DIP2C: variants seen among roughly 807,000 people sequenced by gnomAD.
DIP2C encodes the protein disco-interacting protein 2 homolog C.
A neutral mutation model predicts 192.4 loss-of-function variants in DIP2C; 33 were observed. That is an observed-to-expected ratio of 0.17 (90% CI 0.13 to 0.23). The LOEUF (loss-of-function observed/expected upper bound fraction) is 0.23. Ranked by LOEUF, DIP2C falls within the 10% of genes least tolerant of loss-of-function variation. The pLI is 1.00. For missense variants in DIP2C, 1,537 were observed against 2,110.1 expected (o/e 0.73, Z 5.32); for synonymous variants, 979 against 864.1 (o/e 1.13, Z -2.33).
intron 1 of DIP2C, among the ~76,000 whole-genome samples, chr10:548,309 C>T (rs181247577): frequency 9.3e-5 from 14 of 150,056 alleles, no homozygotes; most frequent in East Asian, 2.0e-4. Flanking sequence ...CAGAGACCTA[C>T]GGCTGGAAGG....
intron 26 of DIP2C, among the ~76,000 whole-genome samples, chr10:347,493 C>A (rs1958548691): frequency 8.4e-6 from 1 of 119,190 alleles, no homozygotes; most frequent in East Asian, 2.7e-4. Context: ...CTCACCCGGA[C>A]ACATTGCGCA....
chr10:669,946 G>C (rs191572872), intron 1 of DIP2C, among the ~76,000 whole-genome samples: 1 of 152,230 alleles, frequency 6.6e-6, no homozygotes, highest in African/African-American at 2.4e-5. Flanking sequence ...TGTTTTTAGG[G>C]ATTCCTGATA....
intron 1 of DIP2C, among the ~76,000 whole-genome samples, chr10:574,785 G>A (rs1056140253): frequency 3.9e-5 from 6 of 152,244 alleles, no homozygotes; most frequent in Non-Finnish European, 5.9e-5. Flanking sequence ...AATGTGCTAT[G>A]ATACTAGAGG....
intron 36 of DIP2C, among the ~76,000 whole-genome samples, chr10:279,043 T>C (rs1411376293): frequency 6.6e-6 from 1 of 152,194 alleles, no homozygotes; most frequent in Non-Finnish European, 1.5e-5. Flanking sequence ...AAAAAACGCA[T>C]ATTTTATTCA....
intron 30 of DIP2C, among the ~76,000 whole-genome samples, chr10:327,485 G>C (rs1365670619): frequency 2.6e-5 from 4 of 152,214 alleles, no homozygotes; most frequent in Admixed American, 1.3e-4. Flanking sequence ...ACGATGAAAG[G>C]CCGTTCGGGA....
At chr10:475,519 G>A (rs1031569988) in intron 2 of DIP2C, among the ~76,000 whole-genome samples, 13 of 152,248 alleles carry the variant, frequency 8.5e-5, no homozygotes, top group East Asian at 1.9e-4. Context: ...GGACGATGGT[G>A]CACGGAGTTC....
chr10:371,446 A>G (rs1960943297), intron 17 of DIP2C, among the ~76,000 whole-genome samples: 1 of 152,248 alleles, frequency 6.6e-6, no homozygotes, highest in African/African-American at 2.4e-5. Flanking sequence ...GACCAGGTTA[A>G]GATGAGGTCA....
At chr10:511,049 G>A (rs1315482787) in intron 1 of DIP2C, among the ~76,000 whole-genome samples, 4 of 152,222 alleles carry the variant, frequency 2.6e-5, no homozygotes, top group Admixed American at 6.5e-5. Flanking sequence ...TGTTCAAGAG[G>A]TTTAAGACAC....
chr10:465,861 A>G (rs1252743901), intron 3 of DIP2C, among the ~76,000 whole-genome samples: 2 of 151,342 alleles, frequency 1.3e-5, no homozygotes, highest in African/African-American at 2.4e-5. Context: ...AAGGAGAACT[A>G]CAAACCACTG....
chr10:672,972 T>C (rs11253316), intron 1 of DIP2C, among the ~76,000 whole-genome samples: 6,969 of 152,308 alleles, frequency 0.046, 192 homozygotes, highest in East Asian at 0.14. Flanking sequence ...ACCCCCTGGA[T>C]CACAGATTAG....
intron 1 of DIP2C, among the ~76,000 whole-genome samples, chr10:511,408 A>G (rs1453390196): frequency 6.6e-6 from 1 of 152,240 alleles, no homozygotes; most frequent in East Asian, 1.9e-4. Flanking sequence ...GGCAACCTTA[A>G]TATCAGATTC....
chr10:477,748 A>G (rs1843178244), intron 2 of DIP2C, among the ~76,000 whole-genome samples: 1 of 106,826 alleles, frequency 9.4e-6, no homozygotes, highest in Admixed American at 1.1e-4. Context: ...AGAACGAGAA[A>G]GAAAAGGAGA....
At chr10:385,721 G>A (rs906815232) in intron 14 of DIP2C, among the ~76,000 whole-genome samples, 5 of 152,182 alleles carry the variant, frequency 3.3e-5, no homozygotes, top group South Asian at 2.1e-4. Context: ...GCCTCACACC[G>A]CAGCAGTCAG....
At chr10:519,160 G>C (rs1846541090) in intron 1 of DIP2C, among the ~76,000 whole-genome samples, 3 of 152,242 alleles carry the variant, frequency 2.0e-5, no homozygotes, top group African/African-American at 7.2e-5. Flanking sequence ...GGTAACCCAG[G>C]CCTAAGCCGC....
intron 1 of DIP2C, among the ~76,000 whole-genome samples, chr10:542,547 T>C (rs1316932202): frequency 6.6e-6 from 1 of 152,232 alleles, no homozygotes; most frequent in Non-Finnish European, 1.5e-5. Context: ...ATGCACAGCT[T>C]CAACCTTCAG....
intron 1 of DIP2C, among the ~76,000 whole-genome samples, chr10:506,745 A>G (rs1302979779): frequency 6.6e-6 from 1 of 152,224 alleles, no homozygotes; most frequent in Non-Finnish European, 1.5e-5. Flanking sequence ...GAGCCCCCAA[A>G]GCACGGAGGA....
intron 1 of DIP2C, among the ~76,000 whole-genome samples, chr10:688,044 G>A (rs1311399884): frequency 6.6e-6 from 1 of 152,218 alleles, no homozygotes; most frequent in Non-Finnish European, 1.5e-5. Context: ...ACCCAAGGCT[G>A]ACACAATCAG....
At chr10:479,248 C>T (rs1426722893) in intron 2 of DIP2C, among the ~76,000 whole-genome samples, 1 of 151,200 alleles carries the variant, frequency 6.6e-6, no homozygotes, top group South Asian at 2.1e-4. Flanking sequence ...CTTGTATTCA[C>T]TGGGATGGGA....
chr10:575,287 T>C (rs1850081648), intron 1 of DIP2C, among the ~76,000 whole-genome samples: 1 of 152,214 alleles, frequency 6.6e-6, no homozygotes, highest in Non-Finnish European at 1.5e-5. Context: ...ATCCAGTCTT[T>C]GTGATTGCTT....
Sources: allele counts gnomAD v4.1 joint callset (sites outside exome capture counted in the v4.1 genomes callset), GRCh38; gene constraint gnomAD v4.1.1; transcripts MANE v1.5; gene names NCBI Gene and HGNC (gene_info 2026-07-23, HGNC 2026-07-21).